VRK2: variants seen among roughly 807,000 people sequenced by gnomAD.
VRK2 encodes the protein VRK serine/threonine kinase 2, also known as serine/threonine-protein kinase VRK2.
Under a neutral mutation model 57.6 loss-of-function variants are expected in VRK2, and 60 were observed. The ratio of observed to expected loss-of-function variants is 1.04; its 90% confidence interval spans 0.85 to 1.29. The LOEUF is 1.29. Ranked by LOEUF, VRK2 falls within the 50% of genes most tolerant of loss-of-function variation. The pLI is 0.00. For synonymous variants in VRK2, 231 were observed against 199.2 expected (o/e 1.16, Z -1.35); for missense variants, 705 against 588.1 (o/e 1.20, Z -2.06).
intron 2 of VRK2, among the ~76,000 whole-genome samples, chr2:58,027,630 A>T (rs1673971569): frequency 6.6e-6 from 1 of 152,176 alleles, no homozygotes; most frequent in African/African-American, 2.4e-5. Context: ...TCAACTATAT[A>T]AATTAAAATT....
chr2:58,110,579 TCCTTA>T (rs1675406333), intron 7 of VRK2, among the ~76,000 whole-genome samples: 1 of 152,178 alleles, frequency 6.6e-6, no homozygotes, highest in Non-Finnish European at 1.5e-5. Flanking sequence ...CTCCTCAATT[TCCTTA>T]CCTTGTTTGC....
chr2:58,127,650 C>T (rs1678569238), intron 8 of VRK2, among the ~76,000 whole-genome samples: 1 of 152,156 alleles, frequency 6.6e-6, no homozygotes, highest in East Asian at 1.9e-4. Flanking sequence ...ATTTGTTCTG[C>T]AGATAGTCAC....
intron 3 of VRK2, 29 bp from the exon 4 acceptor site, chr2:58,084,852 A>T: frequency 1.5e-6 from 2 of 1,374,368 alleles, no homozygotes; most frequent in Admixed American, 2.0e-5. Flanking sequence ...ATTTTTTTCT[A>T]GTAAAATTAA....
intron 6 of VRK2, 149 bp from the exon 7 acceptor site, chr2:58,089,482 A>C (rs1159829371): frequency 4.3e-6 from 2 of 467,468 alleles, no homozygotes; most frequent in African/African-American, 4.0e-5. Flanking sequence ...AAGATGTGAT[A>C]TTTTAGAATA....
chr2:58,023,875 C>T (rs1023978268), intron 1 of VRK2, among the ~76,000 whole-genome samples: 1 of 152,016 alleles, frequency 6.6e-6, no homozygotes, highest in African/African-American at 2.4e-5. Context: ...AGTGGTCATG[C>T]TCACTACCAA....
chr2:58,088,853 G>A (rs1671993744), intron 6 of VRK2, among the ~76,000 whole-genome samples: 1 of 152,186 alleles, frequency 6.6e-6, no homozygotes, highest in Non-Finnish European at 1.5e-5. Context: ...GTTTGGGATG[G>A]TGGCAATAAT....
chr2:58,088,460 A>G lies in VRK2; in HGVS notation c.450+14A>G. The G allele has an allele frequency of 1.3e-6, 2 of 1,547,238 alleles. No individual in the cohort carries two copies. Among genetic ancestry groups the G allele is most frequent in the Non-Finnish European group, 1.8e-6 (2 of 1,122,408 alleles). ...GGTATCCGAATGGTAAGAATTACTT[A>G]TTTCGCATGCTCCATTTCCAAATTG... On this transcript the variant is annotated intron_variant, in intron 6 of 12. Transcript: ENST00000340157.
At chr2:58,072,025 T>A (rs1286789515) in intron 2 of VRK2, among the ~76,000 whole-genome samples, 1 of 151,964 alleles carries the variant, frequency 6.6e-6, no homozygotes, top group Non-Finnish European at 1.5e-5. Flanking sequence ...ATATTTCTTT[T>A]TTGGTGCTAA....
intron 1 of VRK2, among the ~76,000 whole-genome samples, chr2:57,935,020 T>C (rs1670860048): frequency 6.6e-6 from 1 of 152,232 alleles, no homozygotes. Context: ...GTACCTTGCT[T>C]AGGTTTCTTA....
chr2:57,945,892 A>C (rs1249013855), intron 1 of VRK2, among the ~76,000 whole-genome samples: 2 of 152,210 alleles, frequency 1.3e-5, no homozygotes, highest in Non-Finnish European at 2.9e-5. Context: ...GATCTGACAA[A>C]GTGATACAAG....
At chr2:57,943,831 T>G (rs1671172972) in intron 1 of VRK2, among the ~76,000 whole-genome samples, 1 of 152,138 alleles carries the variant, frequency 6.6e-6, no homozygotes, top group Non-Finnish European at 1.5e-5. Context: ...GAAACAGAGG[T>G]CAGCAAAGTC....
At chr2:57,938,023 G>T (rs1670973235) in intron 1 of VRK2, among the ~76,000 whole-genome samples, 1 of 151,748 alleles carries the variant, frequency 6.6e-6, no homozygotes, top group Admixed American at 6.6e-5. Context: ...GTAGAGACAG[G>T]TTTTCACCAT....
chr2:58,008,402 A>C (rs1424134750), intron 1 of VRK2, among the ~76,000 whole-genome samples: 1 of 152,110 alleles, frequency 6.6e-6, no homozygotes, highest in East Asian at 1.9e-4. Context: ...GAAAATTACA[A>C]AGGAAAACAG....
chr2:58,148,862 C>G (rs918841773), intron 12 of VRK2, among the ~76,000 whole-genome samples: 4 of 151,760 alleles, frequency 2.6e-5, no homozygotes, highest in African/African-American at 9.7e-5. Flanking sequence ...CTACTTGTCT[C>G]TCCTTACACC....
chr2:58,027,033 T>A (rs1027409911), intron 2 of VRK2, among the ~76,000 whole-genome samples: 2 of 152,110 alleles, frequency 1.3e-5, no homozygotes, highest in Admixed American at 1.3e-4. Flanking sequence ...TTAACAGTTT[T>A]TAGCCAAGCC....
At chr2:58,110,622 T>C (rs1558647875) in intron 7 of VRK2, among the ~76,000 whole-genome samples, 1 of 152,164 alleles carries the variant, frequency 6.6e-6, no homozygotes, top group Non-Finnish European at 1.5e-5. Context: ...GGGAGGCTAA[T>C]ACTGAGATAG....
chr2:57,952,003 C>T (rs1481096435), intron 1 of VRK2, among the ~76,000 whole-genome samples: 1 of 150,458 alleles, frequency 6.6e-6, no homozygotes, highest in East Asian at 1.9e-4. Context: ...AAGAGATCCT[C>T]CCGCCACAGC....
chr2:57,975,712 C>T (rs933538570), intron 1 of VRK2, among the ~76,000 whole-genome samples: 1 of 151,798 alleles, frequency 6.6e-6, no homozygotes, highest in African/African-American at 2.4e-5. Flanking sequence ...TAAGATTTGG[C>T]TCCTACTTAT....
At chr2:57,982,471 G>A (rs568913168) in intron 1 of VRK2, among the ~76,000 whole-genome samples, 1 of 152,320 alleles carries the variant, frequency 6.6e-6, no homozygotes, top group East Asian at 1.9e-4. Context: ...GGGGAAGGCT[G>A]CAGGCAGGTG....
Sources: allele counts gnomAD v4.1 joint callset (sites outside exome capture counted in the v4.1 genomes callset), GRCh38; gene constraint gnomAD v4.1.1; transcripts MANE v1.5; gene names NCBI Gene and HGNC (gene_info 2026-07-23, HGNC 2026-07-21).